KCNMA1: variants seen among roughly 807,000 people sequenced by gnomAD.
KCNMA1 encodes the protein Calcium-activated potassium channel subunit alpha-1.
In KCNMA1, 29 loss-of-function variants were observed where a neutral mutation model predicts 140.0. The ratio of observed to expected loss-of-function variants is 0.21; its 90% CI spans 0.15 to 0.28. KCNMA1 has a LOEUF of 0.28. Among genes scored for constraint, KCNMA1 ranks in the 10% least tolerant of loss-of-function variants. The pLI, the probability that KCNMA1 is intolerant of heterozygous loss-of-function variation, is 1.00. For missense variants in KCNMA1, 880 were observed against 1,602.2 expected (o/e 0.55, Z 7.70); for synonymous variants, 612 against 611.9 (o/e 1.00, Z 0.00).
intron 19 of KCNMA1, among the ~76,000 whole-genome samples, chr10:76,985,247 T>C (rs1476030058): frequency 6.6e-6 from 1 of 152,208 alleles, no homozygotes; most frequent in Non-Finnish European, 1.5e-5. Context: ...GCACTGTAAG[T>C]CACCCAGTAA....
intron 23 of KCNMA1, among the ~76,000 whole-genome samples, chr10:76,941,018 G>GAGGAAAGAAAGAAAGAAAGA (rs2061874631): frequency 2.6e-5 from 1 of 38,258 alleles, no homozygotes; most frequent in African/African-American, 1.3e-4. Flanking sequence ...AGGAAGGAAG[G>GAGGAAAGAAAGAAAGAAAGA]AAGAAAGAAA....
rs1445067391 is a variant in KCNMA1, at chr10:77,403,974, T to G, written c.428A>C (p.Lys143Thr). ...TGCCTCCTCTTTTTCATCCACTGGT[T>G]TGAGAGTGCCATCCGCCTGGCTTGA... ...NGSSQADGTL[K>T]PVDEKEEAVA... The change falls in exon 2 of 28, where the codon AAA becomes ACA. Residue 143 changes from lysine to threonine, a missense_variant. Physicochemically the swap from Lys to Thr is moderately conservative, Grantham distance 78 (BLOSUM62 -1). Transcript: ENST00000286628. 6.2e-7 allele frequency: 1 copy of G among 1,614,072 alleles called. No individual in the cohort carries two copies. The highest frequency in any genetic ancestry group is 1.3e-5 in the African/African-American group (1 of 74,934).
chr10:76,946,260 G>A (rs1053676550), intron 22 of KCNMA1, among the ~76,000 whole-genome samples: 6 of 152,194 alleles, frequency 3.9e-5, no homozygotes, highest in South Asian at 2.1e-4. Context: ...GTGGCCACGC[G>A]GCATCATTTT....
chr10:77,496,908 A>T (rs1320088907), intron 1 of KCNMA1, among the ~76,000 whole-genome samples: 1 of 151,854 alleles, frequency 6.6e-6, no homozygotes, highest in Non-Finnish European at 1.5e-5. Context: ...TTGTCTTCCC[A>T]CTCGCCATCC....
intron 5 of KCNMA1, among the ~76,000 whole-genome samples, chr10:77,130,446 T>C (rs889309088): frequency 6.6e-6 from 1 of 152,136 alleles, no homozygotes; most frequent in Admixed American, 6.5e-5. Context: ...ATATTTTCAG[T>C]TTATGATGGG....
At chr10:76,931,799 T>C (rs1319226782) in intron 23 of KCNMA1, among the ~76,000 whole-genome samples, 1 of 152,194 alleles carries the variant, frequency 6.6e-6, no homozygotes, top group African/African-American at 2.4e-5. Flanking sequence ...TCAACTCCTC[T>C]GTAGGCTTTT....
chr10:77,118,218 C>T (rs2097525674), intron 6 of KCNMA1, among the ~76,000 whole-genome samples: 1 of 152,196 alleles, frequency 6.6e-6, no homozygotes, highest in African/African-American at 2.4e-5. Flanking sequence ...GGAAGGACCG[C>T]TATGAAAGCA....
intron 1 of KCNMA1, among the ~76,000 whole-genome samples, chr10:77,475,332 G>A (rs924274199): frequency 7.2e-5 from 11 of 152,140 alleles, no homozygotes; most frequent in Non-Finnish European, 1.5e-4. Context: ...AGTTGGGGCC[G>A]GAGTGCCTGT....
chr10:77,543,033 CTCTCTCTCTTTCTCTCTCTCTCATT>C (rs1567439963), intron 1 of KCNMA1, among the ~76,000 whole-genome samples: 2 of 26,892 alleles, frequency 7.4e-5, no homozygotes, highest in African/African-American at 6.0e-4. Flanking sequence ...CTCTCTCATT[CTCTCTCTCTTTCTCTCTCTCTCATT>C]CTCTCTCTCT....
intron 1 of KCNMA1, among the ~76,000 whole-genome samples, chr10:77,568,487 A>G (rs1334910140): frequency 6.6e-6 from 1 of 152,104 alleles, no homozygotes; most frequent in Non-Finnish European, 1.5e-5. Flanking sequence ...CAAAAACCAC[A>G]TGATTATCTC....
At chr10:77,527,599 C>T (rs1603633007) in intron 1 of KCNMA1, among the ~76,000 whole-genome samples, 1 of 152,306 alleles carries the variant, frequency 6.6e-6, no homozygotes, top group East Asian at 1.9e-4. Flanking sequence ...TCTGTCTCTT[C>T]TCTGTGTCTC....
At chr10:77,011,053 C>A (rs1565525899) in intron 18 of KCNMA1, among the ~76,000 whole-genome samples, 1 of 151,940 alleles carries the variant, frequency 6.6e-6, no homozygotes, top group South Asian at 2.1e-4. Flanking sequence ...AACACCCCTG[C>A]CAATTACATG....
intron 23 of KCNMA1, among the ~76,000 whole-genome samples, chr10:76,931,014 G>A (rs1269491840): frequency 6.6e-6 from 1 of 152,066 alleles, no homozygotes; most frequent in African/African-American, 2.4e-5. Context: ...GGGAGATGTT[G>A]GTCAAAGGAT....
At chr10:77,297,395 A>G (rs946680023) in intron 2 of KCNMA1, among the ~76,000 whole-genome samples, 5 of 152,188 alleles carry the variant, frequency 3.3e-5, no homozygotes, top group East Asian at 1.9e-4. Flanking sequence ...AAAAGCCTCA[A>G]TGGAAATTTT....
rs1230874322 is a variant in KCNMA1 at position 77,637,598 on chromosome 10, G to T, written c.45C>A (p.Gly15=). The change falls in exon 1 of 28, where the codon GGC becomes GGA. Residue 15 remains glycine, a synonymous_variant. Coordinates refer to ENST00000286628, the MANE Select transcript of KCNMA1 (RefSeq NM_001161352.2). ...TAAGACTGCTGCCTCCGCCGCCGCC[G>T]CCGCCGCCGCTGCTGCCGCCGCCGC... is the stretch of plus-strand genomic sequence containing the variant. ...GGGGGGSSGG[G]GGGGGSSLRM... 5 of 1,525,400 alleles carry T rather than the reference G, an allele frequency of 3.3e-6. No individual in the cohort carries two copies. The East Asian group carries it at 1.2e-4, about 38-fold the overall frequency. The allele number at this position is 1,525,400 out of a possible 1,614,324, so 94.5% of individuals were successfully genotyped here.
chr10:77,070,255 T>C (rs1293239388), intron 14 of KCNMA1, among the ~76,000 whole-genome samples: 1 of 152,102 alleles, frequency 6.6e-6, no homozygotes, highest in Non-Finnish European at 1.5e-5. Flanking sequence ...GGCAGGAGGA[T>C]TGCTTGAACC....
chr10:76,895,609 A>G (rs1447595090), intron 25 of KCNMA1, among the ~76,000 whole-genome samples: 1 of 152,212 alleles, frequency 6.6e-6, no homozygotes, highest in Non-Finnish European at 1.5e-5. Flanking sequence ...TTGGCCGTAA[A>G]AAAGAGTGAT....
chr10:77,489,334 T>C (rs1288681446), intron 1 of KCNMA1, among the ~76,000 whole-genome samples: 1 of 151,904 alleles, frequency 6.6e-6, no homozygotes, highest in Non-Finnish European at 1.5e-5. Context: ...TTATTTTTTA[T>C]TATTTATTTA....
intron 23 of KCNMA1, among the ~76,000 whole-genome samples, chr10:76,923,473 A>G (rs1389755181): frequency 6.6e-6 from 1 of 152,108 alleles, no homozygotes; most frequent in Non-Finnish European, 1.5e-5. Flanking sequence ...TAAAGAGCTT[A>G]CTGTGTAAGA....
Sources: gnomAD v4.1 joint callset for allele counts (sites outside exome capture counted in the v4.1 genomes callset) on GRCh38, gnomAD v4.1.1 for gene constraint, MANE v1.5 for transcripts, NCBI Gene and HGNC (gene_info 2026-07-23, HGNC 2026-07-21) for gene names.